Variants in OPTN observed in about 807,000 individuals in gnomAD.
OPTN encodes the protein E3-14.7K-interacting protein.
OPTN carries 54 observed loss-of-function variants against 70.4 expected under a neutral mutation model. The ratio of observed to expected loss-of-function variants is 0.77; its 90% CI spans 0.62 to 0.96. OPTN has a LOEUF of 0.96. Among genes scored for constraint, OPTN ranks in the 40% least tolerant of loss-of-function variants. The pLI is 0.00. For missense variants in OPTN, 624 were observed against 673.2 expected (o/e 0.93, Z 0.81); for synonymous variants, 256 against 248.5 (o/e 1.03, Z -0.28).
intron 1 of OPTN, among the ~76,000 whole-genome samples, chr10:13,101,352 G>T (rs1832739485): frequency 6.6e-6 from 1 of 151,850 alleles, no homozygotes. Context: ...CTAACCTTTA[G>T]GTTGCATATT....
intron 11 of OPTN, 78 bp downstream of exon 11, chr10:13,126,117 C>T (rs1248159758): frequency 2.3e-6 from 2 of 851,168 alleles, no homozygotes; most frequent in African/African-American, 3.4e-5. Flanking sequence ...AAAATAGTTA[C>T]ATGAATCCTT....
rs1419256559 is a variant in OPTN, at chr10:13,137,081, C to A, written c.*215C>A. 1.2e-5 allele frequency: 7 copies of A among 570,170 alleles called. No homozygotes were observed. The highest frequency in any genetic ancestry group is 2.2e-5 in the Non-Finnish European group (7 of 315,766). 35.3% of individuals were successfully genotyped at this position (570,170 alleles called of 1,614,324 possible). A position where few individuals can be genotyped will look rare whatever the true frequency, so the allele number is the denominator to read the frequency against. ...GATCACTTGGGGTCAGGGTTTGAGA[C>A]CAGCCTGGCCAACATGGCGGAACCC... On this transcript the variant is annotated 3_prime_UTR_variant, in exon 15 of 15. Coordinates refer to ENST00000378747, the MANE Select transcript of OPTN (RefSeq NM_001008212.2).
intron 2 of OPTN, 37 bp from the exon 3 acceptor site, chr10:13,109,075 G>A: frequency 1.2e-6 from 2 of 1,603,102 alleles, no homozygotes; most frequent in Non-Finnish European, 1.7e-6. Context: ...TGTGGGGCGG[G>A]GGACAGCTCT....
intron 1 of OPTN, among the ~76,000 whole-genome samples, chr10:13,107,845 T>C (rs965486469): frequency 1.3e-5 from 2 of 152,178 alleles, no homozygotes; most frequent in East Asian, 3.9e-4. Context: ...TGCTTTATAA[T>C]CTATCCCCAT....
At position 13,125,999 on chromosome 10, in the gene OPTN, A is replaced by G; in HGVS notation, c.1202A>G (p.Asn401Ser). ...CACAACAAGCTTCTTCAAGAACATA[A>G]TAATGCATTGAAAACAATTGAGGAA... Reference protein sequence around the residue: ...MTHNKLLQEHNNALKTIEELT... With the variant: ...MTHNKLLQEHSNALKTIEELT... Residue 401 changes from asparagine to serine, a missense_variant, in exon 11 of 15, where the codon AAT (asparagine) becomes AGT (serine). By Grantham distance (46) the Asn-to-Ser change is conservative. Coordinates refer to ENST00000378747, the MANE Select transcript of OPTN (RefSeq NM_001008212.2). The G allele has an allele frequency of 6.2e-7, 1 of 1,612,938 alleles. No individual in the cohort carries two copies. Among genetic ancestry groups the G allele is most frequent in the Non-Finnish European group, 8.5e-7 (1 of 1,178,968 alleles).
intron 8 of OPTN, chr10:13,122,966 C>T (rs565885774): frequency 9.1e-5 from 17 of 187,022 alleles, no homozygotes; most frequent in South Asian, 9.0e-4. Context: ...TGAGCCACTG[C>T]GCCCAGCTGC....
intron 12 of OPTN, 148 bp downstream of exon 12, chr10:13,128,051 T>C: frequency 3.3e-6 from 3 of 895,812 alleles, no homozygotes; most frequent in Non-Finnish European, 3.6e-6. Flanking sequence ...AATTGAAACA[T>C]TTGGAAAGTG....
chr10:13,119,185 C>T, intron 7 of OPTN, 145 bp downstream of exon 7: 1 of 795,876 alleles, frequency 1.3e-6, no homozygotes, highest in Non-Finnish European at 2.0e-6. Flanking sequence ...ACTGTTACTA[C>T]AATATAATTT....
intron 1 of OPTN, chr10:13,104,447 C>G: frequency 7.4e-6 from 1 of 135,132 alleles, no homozygotes; most frequent in Non-Finnish European, 1.5e-5. Context: ...TTTTTTTTTA[C>G]TATTACAAAA....
intron 5 of OPTN, among the ~76,000 whole-genome samples, chr10:13,115,206 TA>T: frequency 3.8e-5 from 1 of 26,558 alleles, no homozygotes; most frequent in Non-Finnish European, 7.2e-5. Flanking sequence ...GATATATCTA[TA>T]TTTATATATA....
intron 8 of OPTN, chr10:13,122,803 A>G (rs1043575641): frequency 4.8e-5 from 16 of 336,330 alleles, no homozygotes; most frequent in Non-Finnish European, 4.0e-5. Context: ...CAGCCTCCCA[A>G]GTAGCTGGGA....
intron 7 of OPTN, among the ~76,000 whole-genome samples, chr10:13,120,390 T>G (rs999631103): frequency 1.8e-4 from 27 of 152,124 alleles, no homozygotes; most frequent in Admixed American, 1.8e-3. Flanking sequence ...TTTATCTCCT[T>G]TTTCTTTTGT....
intron 7 of OPTN, among the ~76,000 whole-genome samples, chr10:13,119,245 A>G (rs535784585): frequency 6.6e-6 from 1 of 152,320 alleles, no homozygotes; most frequent in Admixed American, 6.5e-5. Flanking sequence ...CCTCCAAGCA[A>G]TGTGCTTTCT....
intron 5 of OPTN, among the ~76,000 whole-genome samples, chr10:13,113,759 A>G (rs1199813711): frequency 1.3e-5 from 2 of 152,144 alleles, no homozygotes; most frequent in African/African-American, 4.8e-5. Flanking sequence ...TACATATCTG[A>G]TACAGGAAAA....
rs1443179278 is a variant in OPTN at position 13,133,578 on chromosome 10, A to G, written c.1609A>G (p.Arg537Gly). The change falls in exon 14 of 15, where the codon AGA becomes GGA. Residue 537 changes from arginine to glycine, a missense_variant. Coordinates refer to ENST00000378747, the MANE Select transcript of OPTN (RefSeq NM_001008212.2). ...DSDQQAYLVQRGAEDRDWRQQ... is the reference protein window; with the variant it reads ...DSDQQAYLVQGGAEDRDWRQQ... ...TGACCAGCAGGCTTACCTTGTTCAA[A>G]GAGGTGAGTCCCGTGTGATCCTGGA... 1.9e-6 allele frequency: 3 copies of G among 1,613,860 alleles called. No individual in the cohort carries two copies. In the East Asian group the frequency reaches 6.7e-5, roughly 36 times the overall value.
chr10:13,124,074 G>A lies in OPTN; in HGVS notation c.962G>A (p.Ser321Asn). The A allele has an allele frequency of 6.2e-7, 1 of 1,613,096 alleles. No individual in the cohort carries two copies. The highest frequency in any genetic ancestry group is 2.2e-5 in the East Asian group (1 of 44,868). ...KELQEAHTKL[S>N]EAELMKKRLQ... ...CTTCAAGAGGCTCATACAAAACTCA[G>A]CGAAGCTGAGCTAATGAAGAAGAGA... The change falls in exon 9 of 15, where the codon AGC becomes AAC. Residue 321 changes from serine (S) to asparagine (N), a missense_variant. By Grantham distance (46) the Ser-to-Asn change is conservative (BLOSUM62 1). Transcript: ENST00000378747.
rs758007296 is a variant in OPTN, at chr10:13,136,907, A to G, written c.*41A>G. ...CTCCCCAAAACTGTTGGTAAATGTC[A>G]GATTTTTTCCTCCAAGAGTTGTGCT... On this transcript the variant is annotated 3_prime_UTR_variant, in exon 15 of 15. Coordinates refer to ENST00000378747, the MANE Select transcript of OPTN (RefSeq NM_001008212.2). 1.2e-6 allele frequency: 2 copies of G among 1,613,206 alleles called. No homozygotes were observed. The highest frequency in any genetic ancestry group is 4.5e-5 in the East Asian group (2 of 44,896).
chr10:13,128,630 C>T (rs1390790754), intron 12 of OPTN, among the ~76,000 whole-genome samples: 7 of 148,442 alleles, frequency 4.7e-5, no homozygotes, highest in African/African-American at 1.8e-4. Context: ...GCAACCTCTG[C>T]CTCCTGGGTT....
chr10:13,126,112 AG>A, intron 11 of OPTN, 73 bp downstream of exon 11: 2 of 879,496 alleles, frequency 2.3e-6, no homozygotes, highest in South Asian at 2.8e-5. Flanking sequence ...TATATAAAAT[AG>A]TTACATGAAT....
Sources: gnomAD v4.1 joint callset for allele counts (sites outside exome capture counted in the v4.1 genomes callset) on GRCh38, gnomAD v4.1.1 for gene constraint, MANE v1.5 for transcripts, NCBI Gene and HGNC (gene_info 2026-07-23, HGNC 2026-07-21) for gene names.